The following CACNA1G variants were observed in gnomAD, a reference collection of about 807,000 sequenced individuals.
CACNA1G encodes calcium voltage-gated channel subunit alpha1 G, also known as voltage-dependent T-type calcium channel subunit alpha-1G.
A neutral mutation model predicts 219.4 loss-of-function variants in CACNA1G; 67 were observed. That is an observed-to-expected ratio of 0.31 (90% CI 0.25 to 0.37). CACNA1G has a LOEUF of 0.37. CACNA1G is among the 10% of genes least tolerant of loss of function. CACNA1G has a pLI of 1.00. For missense variants in CACNA1G, 2,380 were observed against 3,231.4 expected, an observed-to-expected ratio of 0.74 and a Z score of 6.39; for synonymous variants, 1,296 against 1,345.3, an observed-to-expected ratio of 0.96 and a Z score of 0.80.
At position 50,567,639 on chromosome 17, in the gene CACNA1G, C is replaced by T. The variant is rs1212626519; in HGVS notation, c.243-1231C>T. On this transcript the variant is annotated intron_variant, in intron 1 of 37. Transcript: ENST00000359106. Reference sequence around the variant, plus strand: ...CACAATACCTCCCCCATCCCCATTCCCCAGGGGGTCTCTGGTCTCCTTTCC... The same window carrying T: ...CACAATACCTCCCCCATCCCCATTCTCCAGGGGGTCTCTGGTCTCCTTTCC... Among the ~76,000 whole-genome samples, 6 of 152,116 alleles carry T rather than the reference C, an allele frequency of 3.9e-5. No individual in the cohort carries two copies. In the East Asian group the frequency reaches 9.6e-4, roughly 24 times the overall value.
chr17:50,572,905 A>G, intron 6 of CACNA1G, 51 bp downstream of exon 6: 1 of 1,591,828 alleles, frequency 6.3e-7, no homozygotes, highest in Non-Finnish European at 8.6e-7. Flanking sequence ...GCCCCAGGAC[A>G]CAGCCCAGGA....
At chr17:50,589,498 C>A (rs1044948633) in intron 9 of CACNA1G, among the ~76,000 whole-genome samples, 1 of 152,166 alleles carries the variant, frequency 6.6e-6, no homozygotes, top group African/African-American at 2.4e-5. Flanking sequence ...GGAGGCGGGG[C>A]GTGTGGCTGG....
At position 50,596,439 on chromosome 17, in the gene CACNA1G, G is replaced by A. The variant is rs896428941; in HGVS notation, c.2980-123G>A. 2.8e-5 allele frequency: 22 copies of A among 777,328 alleles called. No homozygotes were observed. In the African/African-American group the frequency reaches 3.4e-4, roughly 12 times the overall value. The allele number at this position is 777,328 out of a possible 1,614,324, so 48.2% of individuals were successfully genotyped here. ...CTGGCCTGCGCCGTGCATGTCTCGT[G>A]CCGTGGTTGCTGGTTCCTGTGGCCT... On this transcript the variant is annotated intron_variant, in intron 14 of 37. Transcript: ENST00000359106. The surrounding 1 kb of genome is among the most constrained non-coding windows in gnomAD (Gnocchi z 4.8).
chr17:50,560,926 C>G lies in CACNA1G; in HGVS notation c.-534C>G, dbSNP rs1481218141. The G allele has an allele frequency of 1.9e-5, 3 of 157,536 alleles. No homozygotes were observed. The highest frequency in any genetic ancestry group is 1.3e-4 in the Admixed American group (2 of 15,280). 9.8% of individuals were successfully genotyped at this position (157,536 alleles called of 1,614,324 possible). A position where few individuals can be genotyped will look rare whatever the true frequency, so the allele number is the denominator to read the frequency against. ...CCCGCGGCGGGGCGGGGGAAGGAGC[C>G]GCCCCCACCCCCTCCAAGCCCACCC... On this transcript the variant is annotated 5_prime_UTR_variant, in exon 1 of 38. Transcript: ENST00000359106.
In CACNA1G at chr17:50,561,421, C is replaced by A; in HGVS notation, c.-39C>A. 1.3e-6 allele frequency: 2 copies of A among 1,533,136 alleles called. No homozygotes were observed. Among genetic ancestry groups the A allele is most frequent in the Non-Finnish European group, 1.7e-6 (2 of 1,146,370 alleles). The allele number at this position is 1,533,136 out of a possible 1,614,324, so 95.0% of individuals were successfully genotyped here. A position where few individuals can be genotyped will look rare whatever the true frequency, so the allele number is the denominator to read the frequency against. ...CACCTCCTCTGAGGGGCGCCGCTTG[C>A]CCCTCTCCGGATCGCCCGGGGCCCC... On this transcript the variant is annotated 5_prime_UTR_variant, in exon 1 of 38. Coordinates refer to ENST00000359106, the MANE Select transcript of CACNA1G (RefSeq NM_018896.5).
At position 50,617,300 on chromosome 17, in the gene CACNA1G, G is replaced by T; in HGVS notation, c.5022-138G>T. 2.2e-6 allele frequency: 2 copies of T among 926,290 alleles called. No homozygotes were observed. Among genetic ancestry groups the T allele is most frequent in the Non-Finnish European group, 1.6e-6 (1 of 628,450 alleles). The allele number at this position is 926,290 out of a possible 1,614,324, so 57.4% of individuals were successfully genotyped here. The stretch of plus-strand genomic sequence containing the variant: ...GGCTGTGTGGCCTTAGATAAGCCAC[G>T]CCTCTTCTCTGTGGGATGGGAGGCT... On this transcript the variant is annotated intron_variant, in intron 28 of 37. Coordinates refer to ENST00000359106, the MANE Select transcript of CACNA1G (RefSeq NM_018896.5). This position sits in a 1 kb window ranked among gnomAD's most constrained non-coding sequence, Gnocchi z 5.8.
chr17:50,613,332 G>A (rs915428561), intron 26 of CACNA1G, among the ~76,000 whole-genome samples: 4 of 152,348 alleles, frequency 2.6e-5, no homozygotes, highest in Admixed American at 2.6e-4. Context: ...GTCTGGGGTA[G>A]GGGCCAGGGT....
chr17:50,626,155 C>G lies in CACNA1G; in HGVS notation c.6538C>G (p.His2180Asp), dbSNP rs2053755443. 1.2e-6 allele frequency: 2 copies of G among 1,613,708 alleles called. No individual in the cohort carries two copies. The highest frequency in any genetic ancestry group is 1.7e-5 in the Admixed American group (1 of 59,998). ...WGQSSTQAQQ[H>D]SRSHSKISKH... is the part of the protein sequence containing the mutation. ...CCAGTCAAGTACCCAGGCACAGCAGCACTCCCGCAGCCACAGCAAGATCTC... is the reference window on the plus strand; with the variant it reads ...CCAGTCAAGTACCCAGGCACAGCAGGACTCCCGCAGCCACAGCAAGATCTC... Residue 2180 changes from histidine (H) to aspartate (D), a missense_variant, in exon 38 of 38, where the codon CAC becomes GAC. His to Asp is a moderately conservative substitution (Grantham distance 81). Coordinates refer to ENST00000359106, the MANE Select transcript of CACNA1G (RefSeq NM_018896.5). This position sits in a 1 kb window ranked among gnomAD's most constrained non-coding sequence, Gnocchi z 4.3.
Position 50,590,756 on chromosome 17 carries a change from C to T in CACNA1G, c.2453+134C>T, listed in dbSNP as rs566852499. The T allele has an allele frequency of 3.4e-4, 252 of 739,694 alleles. 3 individuals are homozygous for T. The South Asian group carries it at 4.4e-3, about 13-fold the overall frequency. The allele number at this position is 739,694 out of a possible 1,614,324, so 45.8% of individuals were successfully genotyped here. ...GGCCCCACTGACCCCACAGGACCTG[C>T]CACTCCTCCTAGGTGGGGGGCTCTC... On this transcript the variant is annotated intron_variant, in intron 10 of 37. Coordinates refer to ENST00000359106, the MANE Select transcript of CACNA1G (RefSeq NM_018896.5).
In CACNA1G at chr17:50,595,897, AT is replaced by A. The variant is rs1293090334; in HGVS notation, c.2980-659del. On this transcript the variant is annotated intron_variant, in intron 14 of 37. Coordinates refer to ENST00000359106, the MANE Select transcript of CACNA1G (RefSeq NM_018896.5). The stretch of plus-strand genomic sequence containing the variant: ...TCCTTATCAAAAGTAGCAATCAAGT[AT>A]TTTTTAATAACTTCTTAAGGAGAAG... Among the ~76,000 whole-genome samples the A allele has an allele frequency of 2.6e-5, 4 of 152,368 alleles. No homozygotes were observed. The East Asian group carries it at 7.7e-4, about 29-fold the overall frequency.
chr17:50,574,264 G>A (rs1437031329), intron 7 of CACNA1G, among the ~76,000 whole-genome samples: 1 of 152,228 alleles, frequency 6.6e-6, no homozygotes, highest in African/African-American at 2.4e-5. Flanking sequence ...GACAGAGCCA[G>A]ACAGAGGGAC....
Position 50,616,280 on chromosome 17 carries a change from G to A in CACNA1G, c.4917G>A (p.Leu1639=), listed in dbSNP as rs922593639. The change falls in exon 28 of 38, where the codon CTG becomes CTA. Residue 1639 remains leucine, a synonymous_variant. Transcript: ENST00000359106. Reference sequence around the variant, plus strand: ...CTTGCCCCCATCCCTGCCAGATTCTGGATGAGGCTCTGAAGATCTGCAACT... The same window carrying A: ...CTTGCCCCCATCCCTGCCAGATTCTAGATGAGGCTCTGAAGATCTGCAACT... ...AMEHYQQPQI[L]DEALKICNYI... The A allele has an allele frequency of 6.2e-7, 1 of 1,609,262 alleles. No individual in the cohort carries two copies. The highest frequency in any genetic ancestry group is 8.5e-7 in the Non-Finnish European group (1 of 1,175,638).
intron 17 of CACNA1G, 108 bp downstream of exon 17, chr17:50,599,967 A>T: frequency 9.2e-7 from 1 of 1,091,896 alleles, no homozygotes; most frequent in Non-Finnish European, 1.3e-6. Flanking sequence ...CCCACGGAAT[A>T]TCAAGGGGCA....
chr17:50,595,114 C>G, intron 14 of CACNA1G, 53 bp downstream of exon 14: 1 of 1,338,892 alleles, frequency 7.5e-7, no homozygotes, highest in East Asian at 2.5e-5. Flanking sequence ...GCCCGTGCCC[C>G]TCCACTCCGC....
In CACNA1G at chr17:50,591,806, C is replaced by T; in HGVS notation, c.2707C>T (p.Arg903Trp). The part of the protein sequence containing the change: ...SERDGDTLPD[R>W]KNFDSLLWAI... ...GCGGGATGGGGACACCCTGCCAGAC[C>T]GGAAGAATTTTGACTCCTTGCTCTG... Residue 903 changes from arginine to tryptophan, a missense_variant, in exon 12 of 38, where the codon CGG becomes TGG. This residue lies in a region of CACNA1G where 43 missense variants were observed against 139.4 expected (regional missense o/e 0.31). Coordinates refer to ENST00000359106, the MANE Select transcript of CACNA1G (RefSeq NM_018896.5). 1 of 1,613,950 alleles carries T rather than the reference C, an allele frequency of 6.2e-7. No homozygotes were observed. Among genetic ancestry groups the T allele is most frequent in the Non-Finnish European group, 8.5e-7 (1 of 1,179,862 alleles).
chr17:50,612,663 C>A, intron 26 of CACNA1G, among the ~76,000 whole-genome samples: 1 of 152,236 alleles, frequency 6.6e-6, no homozygotes, highest in Non-Finnish European at 1.5e-5. Flanking sequence ...CCTGGCCATG[C>A]CTTGGGCTCC....
Position 50,600,654 on chromosome 17 carries a change from C to G in CACNA1G, c.3691-72C>G. 7.6e-7 allele frequency: 1 copy of G among 1,311,644 alleles called. No homozygotes were observed. The highest frequency in any genetic ancestry group is 1.2e-5 in the South Asian group (1 of 83,524). The allele number at this position is 1,311,644 out of a possible 1,614,324, so 81.3% of individuals were successfully genotyped here. On this transcript the variant is annotated intron_variant, in intron 17 of 37. Transcript: ENST00000359106. This position sits in a 1 kb window ranked among gnomAD's most constrained non-coding sequence, Gnocchi z 4.1. Reference sequence around the variant, plus strand: ...GGTAGACAAGGAGTGAGGCTCGTGACTCTGCTGAGGAGCCAGGAGCCGGGG... The same window carrying G: ...GGTAGACAAGGAGTGAGGCTCGTGAGTCTGCTGAGGAGCCAGGAGCCGGGG...
Position 50,578,611 on chromosome 17 carries a change from T to G in CACNA1G, c.2301+47T>G. The G allele has an allele frequency of 6.6e-7, 1 of 1,508,122 alleles. No homozygotes were observed. The highest frequency in any genetic ancestry group is 1.3e-5 in the South Asian group (1 of 74,874). 93.4% of individuals were successfully genotyped at this position (1,508,122 alleles called of 1,614,324 possible). A position where few individuals can be genotyped will look rare whatever the true frequency, so the allele number is the denominator to read the frequency against. Reference sequence around the variant, plus strand: ...GGGCTCCTGCCAGCTGCTTTTCGCCTGGGGCTGGGGCCTTCTACCTCCCTC... The same window carrying G: ...GGGCTCCTGCCAGCTGCTTTTCGCCGGGGGCTGGGGCCTTCTACCTCCCTC... On this transcript the variant is annotated intron_variant, in intron 9 of 37. Transcript: ENST00000359106. The surrounding 1 kb of genome is among the most constrained non-coding windows in gnomAD (Gnocchi z 4.5).
At position 50,591,890 on chromosome 17, in the gene CACNA1G, G is replaced by T. The variant is rs59545434; in HGVS notation, c.2754+37G>T. The T allele has an allele frequency of 9.4e-4, 1,517 of 1,612,940 alleles. 1 individual carries two copies. Among genetic ancestry groups the T allele is most frequent in the Admixed American group, 1.8e-3 (107 of 60,012 alleles). On this transcript the variant is annotated intron_variant, in intron 12 of 37. Coordinates refer to ENST00000359106, the MANE Select transcript of CACNA1G (RefSeq NM_018896.5). Reference sequence around the variant, plus strand: ...ACAGGGCAGGGCGTGGACAGGGGCCGTCAGGTGCCCCTAGTATAGGCCCTG... The same window carrying T: ...ACAGGGCAGGGCGTGGACAGGGGCCTTCAGGTGCCCCTAGTATAGGCCCTG...
Sources: allele counts gnomAD v4.1 joint callset (sites outside exome capture counted in the v4.1 genomes callset), GRCh38; gene constraint gnomAD v4.1.1; regional missense constraint gnomAD v4.1.1; non-coding constraint Gnocchi (gnomAD v3.1); transcripts MANE v1.5; gene names NCBI Gene and HGNC (gene_info 2026-07-23, HGNC 2026-07-21).